GALNT7: variants seen among roughly 807,000 people sequenced by gnomAD.
GALNT7 encodes the protein N-acetylgalactosaminyltransferase 7.
Under a neutral mutation model 82.1 loss-of-function variants are expected in GALNT7, and 60 were observed. That is an observed-to-expected ratio of 0.73 (90% CI 0.59 to 0.91). GALNT7 has a LOEUF of 0.91. GALNT7 is among the 40% of genes least tolerant of loss of function. GALNT7 has a pLI of 0.00. For missense variants in GALNT7, 660 were observed against 804.2 expected (o/e 0.82, Z 2.17); for synonymous variants, 243 against 275.1 (o/e 0.88, Z 1.15).
chr4:173,302,092 C>T lies in GALNT7; in HGVS notation c.1194C>T (p.Phe398=). The T allele has an allele frequency of 2.5e-6, 4 of 1,603,892 alleles. No homozygotes were observed. The highest frequency in any genetic ancestry group is 3.4e-6 in the Non-Finnish European group (4 of 1,170,810). The change falls in exon 7 of 12, where the codon TTC becomes TTT. Residue 398 remains phenylalanine (F), a synonymous_variant. Coordinates refer to ENST00000265000, the MANE Select transcript of GALNT7 (RefSeq NM_017423.3). This position sits in a 1 kb window ranked among gnomAD's most constrained non-coding sequence, Gnocchi z 4.2. ...AGGLFAIERE[F]FFELGLYDPG... is the part of the protein sequence containing the mutation. ...GATTATTTGCCATTGAACGAGAGTTCTTCTTTGAATTGGGTCTCTATGATC... is the reference window on the plus strand; with the variant it reads ...GATTATTTGCCATTGAACGAGAGTTTTTCTTTGAATTGGGTCTCTATGATC...
At chr4:173,204,372 T>G (rs1733027813) in intron 1 of GALNT7, among the ~76,000 whole-genome samples, 1 of 152,252 alleles carries the variant, frequency 6.6e-6, no homozygotes, top group South Asian at 2.1e-4. Flanking sequence ...TATTTATATC[T>G]TTCCCTAGAT....
intron 7 of GALNT7, among the ~76,000 whole-genome samples, chr4:173,303,349 G>A (rs190628826): frequency 1.3e-5 from 2 of 152,234 alleles, no homozygotes; most frequent in East Asian, 3.9e-4. Context: ...AGAACACAAG[G>A]AACATTCAGA....
At chr4:173,175,897 A>G (rs1216483552) in intron 1 of GALNT7, among the ~76,000 whole-genome samples, 1 of 152,086 alleles carries the variant, frequency 6.6e-6, no homozygotes, top group African/African-American at 2.4e-5. Context: ...ACATGGTGAA[A>G]CCCTGTCTCT....
intron 1 of GALNT7, among the ~76,000 whole-genome samples, chr4:173,197,063 CTTTTTTTT>C (rs5864189): frequency 8.5e-6 from 1 of 117,946 alleles, no homozygotes; most frequent in African/African-American, 3.2e-5. Flanking sequence ...CTCTCTCTCC[CTTTTTTTT>C]TTTTTTTTTT....
intron 2 of GALNT7, among the ~76,000 whole-genome samples, chr4:173,272,821 A>G (rs1438036092): frequency 3.3e-5 from 5 of 152,208 alleles, no homozygotes; most frequent in Non-Finnish European, 7.4e-5. Context: ...TAACCCCAGA[A>G]AATGTCTGTT....
intron 1 of GALNT7, among the ~76,000 whole-genome samples, chr4:173,206,541 A>C (rs1464408225): frequency 1.3e-5 from 2 of 152,238 alleles, no homozygotes; most frequent in African/African-American, 4.8e-5. Context: ...CAATGACACA[A>C]AACTATTTAG....
At chr4:173,227,655 G>A (rs1449695865) in intron 1 of GALNT7, among the ~76,000 whole-genome samples, 1 of 152,148 alleles carries the variant, frequency 6.6e-6, no homozygotes. Flanking sequence ...AAGGATGTGT[G>A]CCTCTTCACA....
In GALNT7 at chr4:173,195,741, T is replaced by C. The variant is rs534384665; in HGVS notation, c.126+26780T>C. On this transcript the variant is annotated intron_variant, in intron 1 of 11. Coordinates refer to ENST00000265000, the MANE Select transcript of GALNT7 (RefSeq NM_017423.3). The stretch of plus-strand genomic sequence containing the variant: ...AAATCAGATAAGATGATGACTTCCA[T>C]GAGACAGGTAAAGGAATTTACACTT... 2.6e-5 allele frequency among the ~76,000 whole-genome samples: 4 copies of C among 152,334 alleles called. No homozygotes were observed. The South Asian group carries it at 6.2e-4, about 24-fold the overall frequency.
At chr4:173,307,050 T>A (rs1219975685) in intron 8 of GALNT7, among the ~76,000 whole-genome samples, 1 of 152,190 alleles carries the variant, frequency 6.6e-6, no homozygotes, top group Non-Finnish European at 1.5e-5. Context: ...CCCACCAAGG[T>A]CAGTGTTGGC....
chr4:173,193,563 AT>A (rs1443486792), intron 1 of GALNT7, among the ~76,000 whole-genome samples: 1 of 152,144 alleles, frequency 6.6e-6, no homozygotes, highest in African/African-American at 2.4e-5. Flanking sequence ...TTTTTCTATA[AT>A]TTTTTAAAGT....
chr4:173,265,120 T>C (rs1735433525), intron 2 of GALNT7, among the ~76,000 whole-genome samples: 1 of 152,236 alleles, frequency 6.6e-6, no homozygotes, highest in South Asian at 2.1e-4. Flanking sequence ...ATACCAGGCT[T>C]GCCCTTCTTC....
At chr4:173,313,890 A>G (rs1737484190) in intron 8 of GALNT7, 68 bp from the exon 9 acceptor site, 3 of 692,602 alleles carry the variant, frequency 4.3e-6, no homozygotes, top group African/African-American at 3.7e-5. Context: ...TGTGTCTAAT[A>G]TAGGCTGTTT....
Position 173,261,465 on chromosome 4 carries a change from C to T in GALNT7, c.587+13025C>T, listed in dbSNP as rs913173041. Among the ~76,000 whole-genome samples, 8 of 152,016 alleles carry T rather than the reference C, an allele frequency of 5.3e-5. No individual in the cohort carries two copies. The South Asian group carries it at 1.2e-3, about 24-fold the overall frequency. The stretch of plus-strand genomic sequence containing the variant: ...ATGTTATTCAAGGACCTGCACTACA[C>T]TTATTTAATAACTTGGCTTGTCAGA... On this transcript the variant is annotated intron_variant, in intron 2 of 11. Coordinates refer to ENST00000265000, the MANE Select transcript of GALNT7 (RefSeq NM_017423.3).
At chr4:173,218,498 G>A (rs1393970434) in intron 1 of GALNT7, among the ~76,000 whole-genome samples, 1 of 152,052 alleles carries the variant, frequency 6.6e-6, no homozygotes, top group Non-Finnish European at 1.5e-5. Flanking sequence ...CAGCATCCAA[G>A]CAGGGCCACT....
At chr4:173,185,266 C>T (rs188742131) in intron 1 of GALNT7, among the ~76,000 whole-genome samples, 7 of 152,268 alleles carry the variant, frequency 4.6e-5, no homozygotes, top group Admixed American at 2.0e-4. Flanking sequence ...GAATTCTCTT[C>T]ACCACTCCGT....
At chr4:173,179,296 TTTA>T in intron 1 of GALNT7, among the ~76,000 whole-genome samples, 1 of 152,346 alleles carries the variant, frequency 6.6e-6, no homozygotes, top group South Asian at 2.1e-4. Flanking sequence ...AGCATTTTTA[TTTA>T]TTAAACTGTT....
At chr4:173,312,795 A>G (rs952621924) in intron 8 of GALNT7, among the ~76,000 whole-genome samples, 6 of 152,164 alleles carry the variant, frequency 3.9e-5, no homozygotes, top group Admixed American at 6.5e-5. Flanking sequence ...GCAATGGCTC[A>G]CGCCTATAAT....
Position 173,242,878 on chromosome 4 carries a change from C to A in GALNT7, c.127-5102C>A, listed in dbSNP as rs79134427. Among the ~76,000 whole-genome samples the A allele has an allele frequency of 8.3e-3, 1,260 of 152,256 alleles. 10 individuals carry two copies. The highest frequency in any genetic ancestry group is 0.015 in the Non-Finnish European group (995 of 68,022). Reference sequence around the variant, plus strand: ...TCTGCTCCTTTTAGGTAACTGCAGCCAGAGAAAGGATGCTGATAGGATTTT... The same window carrying A: ...TCTGCTCCTTTTAGGTAACTGCAGCAAGAGAAAGGATGCTGATAGGATTTT... On this transcript the variant is annotated intron_variant, in intron 1 of 11. Coordinates refer to ENST00000265000, the MANE Select transcript of GALNT7 (RefSeq NM_017423.3).
rs1386390240 is a variant in GALNT7 at position 173,323,261 on chromosome 4, TAA to T, written c.*1545_*1546del. The stretch of plus-strand genomic sequence containing the variant: ...GCCAGAGGAAGTTTGTTTTTTAATT[TAA>T]GAGGGAAATATAACCTATAAATTTG... On this transcript the variant is annotated 3_prime_UTR_variant, in exon 12 of 12. Transcript: ENST00000265000. The T allele has an allele frequency of 6.6e-6, 1 of 152,546 alleles. No homozygotes were observed. Among genetic ancestry groups the T allele is most frequent in the Non-Finnish European group, 1.5e-5 (1 of 67,982 alleles). The allele number at this position is 152,546 out of a possible 1,614,324, so 9.4% of individuals were successfully genotyped here.
Sources: allele counts gnomAD v4.1 joint callset (sites outside exome capture counted in the v4.1 genomes callset), GRCh38; gene constraint gnomAD v4.1.1; non-coding constraint Gnocchi (gnomAD v3.1); transcripts MANE v1.5; gene names NCBI Gene and HGNC (gene_info 2026-07-23, HGNC 2026-07-21).